Variants in PHF2 observed in about 807,000 individuals in gnomAD.
PHF2 encodes PHD finger protein 2.
Under a neutral mutation model 120.5 loss-of-function variants are expected in PHF2, and 27 were observed. The ratio of observed to expected loss-of-function variants is 0.22; its 90% confidence interval spans 0.17 to 0.31. The LOEUF is 0.31. Among genes scored for constraint, PHF2 ranks in the 10% least tolerant of loss-of-function variants. The pLI is 1.00. For missense variants in PHF2, 1,024 were observed against 1,434.8 expected (o/e 0.71, Z 4.63); for synonymous variants, 568 against 592.5 (o/e 0.96, Z 0.60).
At chr9:93,623,522 C>T (rs1238247299) in intron 1 of PHF2, among the ~76,000 whole-genome samples, 2 of 152,192 alleles carry the variant, frequency 1.3e-5, no homozygotes, top group African/African-American at 4.8e-5. Context: ...ATTGGGCAGA[C>T]ACCCTTATAA....
intron 5 of PHF2, among the ~76,000 whole-genome samples, chr9:93,649,691 C>G (rs747496630): frequency 6.0e-5 from 8 of 133,794 alleles, no homozygotes; most frequent in Non-Finnish European, 1.4e-4. Flanking sequence ...ACACTCATGA[C>G]ACTCACACTG....
chr9:93,614,163 G>A lies in PHF2; in HGVS notation c.99-15807G>A, dbSNP rs114708009. On this transcript the variant is annotated intron_variant, in intron 1 of 21. Coordinates refer to ENST00000359246, the MANE Select transcript of PHF2 (RefSeq NM_005392.4). ...AGAGTGAGTGACTTTGGCTTACAGG[G>A]TGGTCACCCACTTGTTTTGTGGATT... 6.7e-3 allele frequency among the ~76,000 whole-genome samples: 1,019 copies of A among 152,310 alleles called. 14 individuals carry two copies. Among genetic ancestry groups the A allele is most frequent in the African/African-American group, 0.024 (985 of 41,556 alleles).
chr9:93,649,300 C>A, intron 5 of PHF2, 88 bp downstream of exon 5: 1 of 1,083,684 alleles, frequency 9.2e-7, no homozygotes, highest in South Asian at 1.4e-5. Flanking sequence ...AAGCACAGGT[C>A]GAAGGTATCA....
At chr9:93,642,419 T>C (rs1826186309) in intron 3 of PHF2, among the ~76,000 whole-genome samples, 1 of 152,276 alleles carries the variant, frequency 6.6e-6, no homozygotes, top group Non-Finnish European at 1.5e-5. Context: ...TATAGAATTA[T>C]ATCTTTTAGT....
chr9:93,576,977 G>GGCCGCCGCC (rs909618337), intron 1 of PHF2, 106 bp downstream of exon 1: 1 of 318,534 alleles, frequency 3.1e-6, no homozygotes, highest in Non-Finnish European at 4.5e-6. Context: ...CTCGGGGACG[G>GGCCGCCGCC]GCCGCCGCCG....
rs1245668919 is a variant in PHF2 at position 93,615,190 on chromosome 9, ATGG to A, written c.99-14777_99-14775del. ...GATGGTGATAGTAATGGTGATGGCG[ATGG>A]TGATGATGATGGTGATGGTGATGGT... On this transcript the variant is annotated intron_variant, in intron 1 of 21. Coordinates refer to ENST00000359246, the MANE Select transcript of PHF2 (RefSeq NM_005392.4). 1.3e-3 allele frequency among the ~76,000 whole-genome samples: 177 copies of A among 140,206 alleles called. 2 individuals are homozygous for A. Among genetic ancestry groups the A allele is most frequent in the Non-Finnish European group, 7.1e-4 (45 of 63,666 alleles). 92.0% of individuals were successfully genotyped at this position (140,206 alleles called of 152,430 possible).
At chr9:93,586,074 A>G (rs1587661520) in intron 1 of PHF2, among the ~76,000 whole-genome samples, 2 of 152,252 alleles carry the variant, frequency 1.3e-5, no homozygotes, top group East Asian at 3.9e-4. Flanking sequence ...CTGGAACAGT[A>G]TAGAAACTGC....
chr9:93,592,815 C>G (rs1310634070), intron 1 of PHF2, among the ~76,000 whole-genome samples: 1 of 152,074 alleles, frequency 6.6e-6, no homozygotes, highest in African/African-American at 2.4e-5. Context: ...AGTACGTGGC[C>G]TTGCACCTTG....
intron 17 of PHF2, among the ~76,000 whole-genome samples, chr9:93,667,833 C>T (rs10992841): frequency 0.63 from 95,290 of 151,902 alleles, 30,332 homozygotes; most frequent in Non-Finnish European, 0.68. Flanking sequence ...CAGTGATATC[C>T]GGGTGTTTGC....
chr9:93,654,367 C>A, intron 6 of PHF2, 46 bp from the exon 7 acceptor site: 1 of 1,590,650 alleles, frequency 6.3e-7, no homozygotes. Context: ...ACCCCCGACC[C>A]CCGCATCCCA....
intron 1 of PHF2, among the ~76,000 whole-genome samples, chr9:93,607,880 T>C (rs920420231): frequency 2.0e-5 from 3 of 149,402 alleles, no homozygotes; most frequent in Non-Finnish European, 3.0e-5. Context: ...AATCAGACCA[T>C]AGCAGCATGT....
intron 1 of PHF2, among the ~76,000 whole-genome samples, chr9:93,613,671 C>G (rs1272048475): frequency 2.0e-5 from 3 of 151,518 alleles, no homozygotes; most frequent in African/African-American, 7.3e-5. Flanking sequence ...GCAAGGAACT[C>G]CTTGATCCTC....
chr9:93,618,270 C>T (rs1825758490), intron 1 of PHF2, among the ~76,000 whole-genome samples: 1 of 152,272 alleles, frequency 6.6e-6, no homozygotes, highest in Non-Finnish European at 1.5e-5. Context: ...CAGCCCTCCA[C>T]CCCATTCTCA....
rs1205209958 is a variant in PHF2 at position 93,586,495 on chromosome 9, GGGCCAGCAGCC to G, written c.98+9636_98+9646del. Among the ~76,000 whole-genome samples the G allele has an allele frequency of 6.6e-5, 10 of 152,392 alleles. No individual in the cohort carries two copies. In the South Asian group the frequency reaches 2.1e-3, roughly 32 times the overall value. On this transcript the variant is annotated intron_variant, in intron 1 of 21. Transcript: ENST00000359246. ...TACTCAGGAGAAGCCAGCTGGGGGA[GGGCCAGCAGCC>G]GGCCAGCAGCCCCCACTCCTCCCAT...
chr9:93,618,066 CTG>C (rs1825756345), intron 1 of PHF2, among the ~76,000 whole-genome samples: 1 of 152,266 alleles, frequency 6.6e-6, no homozygotes, highest in Non-Finnish European at 1.5e-5. Flanking sequence ...CCACTCACCT[CTG>C]TGTTTGAAAT....
chr9:93,595,125 C>T (rs901911839), intron 1 of PHF2, among the ~76,000 whole-genome samples: 8 of 152,172 alleles, frequency 5.3e-5, no homozygotes, highest in Non-Finnish European at 8.8e-5. Context: ...GGGGTACTTA[C>T]AGATGCTAAA....
chr9:93,678,039 T>C lies in PHF2; in HGVS notation c.*363T>C. On this transcript the variant is annotated 3_prime_UTR_variant, in exon 22 of 22. Coordinates refer to ENST00000359246, the MANE Select transcript of PHF2 (RefSeq NM_005392.4). ...CATGAGTCCTTCAAGGAAGACAGAG[T>C]GAGCCAATGCTCACCAGCCCCAGAG... 4.9e-6 allele frequency: 1 copy of C among 202,632 alleles called. No individual in the cohort carries two copies. Among genetic ancestry groups the C allele is most frequent in the Non-Finnish European group, 9.9e-6 (1 of 100,622 alleles). The allele number at this position is 202,632 out of a possible 1,614,324, so 12.6% of individuals were successfully genotyped here.
intron 4 of PHF2, among the ~76,000 whole-genome samples, chr9:93,646,035 C>T (rs1356939096): frequency 1.3e-5 from 2 of 152,216 alleles, no homozygotes; most frequent in African/African-American, 4.8e-5. Flanking sequence ...AGGGGCTGGT[C>T]TGGGAGACCC....
intron 1 of PHF2, among the ~76,000 whole-genome samples, chr9:93,625,964 C>A (rs911669700): frequency 6.6e-6 from 1 of 151,810 alleles, no homozygotes; most frequent in African/African-American, 2.4e-5. Context: ...AAAAATTGGC[C>A]GGGCGCGGTG....
Sources: gnomAD v4.1 joint callset for allele counts (sites outside exome capture counted in the v4.1 genomes callset) on GRCh38, gnomAD v4.1.1 for gene constraint, MANE v1.5 for transcripts, NCBI Gene and HGNC (gene_info 2026-07-23, HGNC 2026-07-21) for gene names.